The following ACAN variants were observed in gnomAD, a reference collection of about 807,000 sequenced individuals.
The protein encoded by ACAN is aggrecan.
A neutral mutation model predicts 169.1 loss-of-function variants in ACAN; 47 were observed. The observed-to-expected ratio is 0.28, with a 90% CI of 0.22 to 0.35. The LOEUF is 0.35. ACAN is among the 10% of genes least tolerant of loss of function. ACAN has a pLI of 1.00. For synonymous variants in ACAN, 1,115 were observed against 1,112.2 expected, an observed-to-expected ratio of 1.00 and a Z score of -0.05; for missense variants, 2,716 against 2,759.9, an observed-to-expected ratio of 0.98 and a Z score of 0.36.
chr15:88,822,644 G>A (rs982438287), intron 1 of ACAN, among the ~76,000 whole-genome samples: 10 of 152,014 alleles, frequency 6.6e-5, no homozygotes, highest in South Asian at 2.1e-4. Flanking sequence ...TCCATGTTGA[G>A]GCTAGTCTCG....
In ACAN at chr15:88,858,076, T is replaced by C. The variant is rs1257157422; in HGVS notation, c.5491T>C (p.Phe1831Leu). The C allele has an allele frequency of 5.0e-6, 8 of 1,613,776 alleles. No homozygotes were observed. Among genetic ancestry groups the C allele is most frequent in the Non-Finnish European group, 6.8e-6 (8 of 1,179,878 alleles). ...SGSGESSGIT[F>L]VDTSLVEVAP... is the part of the protein sequence containing the mutation. ...CAGCGGTGAATCTTCTGGGATTACA[T>C]TTGTGGACACCAGTTTGGTTGAAGT... The change falls in exon 12 of 19, where the codon TTT (phenylalanine) becomes CTT (leucine). Residue 1831 changes from phenylalanine to leucine, a missense_variant. Transcript: ENST00000560601. The surrounding 1 kb of genome is among the most constrained non-coding windows in gnomAD (Gnocchi z 4.0).
At position 88,874,089 on chromosome 15, in the gene ACAN, C is replaced by G. The variant is rs2280466; in HGVS notation, c.7630+65C>G. ...GATTCTGCCAGCACAGCCTTCCCCC[C>G]GTCCCCTCTCCTGGGGACCCTACAC... On this transcript the variant is annotated intron_variant, in intron 18 of 18. Coordinates refer to ENST00000560601, the MANE Select transcript of ACAN (RefSeq NM_001369268.1). The surrounding 1 kb of genome is among the most constrained non-coding windows in gnomAD (Gnocchi z 7.3). The G allele has an allele frequency of 4.8e-5, 76 of 1,580,670 alleles. No individual in the cohort carries two copies. In the Middle Eastern group the frequency reaches 1.1e-3, roughly 23 times the overall value.
chr15:88,836,691 C>T (rs1896512026), intron 2 of ACAN, among the ~76,000 whole-genome samples: 1 of 152,204 alleles, frequency 6.6e-6, no homozygotes, highest in East Asian at 1.9e-4. Context: ...ACTTGGGAGA[C>T]AGCCAGAGAA....
In ACAN at chr15:88,825,092, A is replaced by G. The variant is rs1896179634; in HGVS notation, c.-7-11108A>G. 2.0e-5 allele frequency among the ~76,000 whole-genome samples: 3 copies of G among 152,204 alleles called. No homozygotes were observed. The South Asian group carries it at 6.2e-4, about 32-fold the overall frequency. ...CAAAATCAGCTCGTGTGGTCAAGGC[A>G]CAGCTAGAATGTGGCGGGGTTGAGG... On this transcript the variant is annotated intron_variant, in intron 1 of 18. Coordinates refer to ENST00000560601, the MANE Select transcript of ACAN (RefSeq NM_001369268.1).
chr15:88,828,657 G>A lies in ACAN; in HGVS notation c.-7-7543G>A, dbSNP rs191683996. ...AAGCAATGAGCAGGTCCCTGGCCAT[G>A]AGGGAGGCTGAGAGGGTGGAGATGC... On this transcript the variant is annotated intron_variant, in intron 1 of 18. Coordinates refer to ENST00000560601, the MANE Select transcript of ACAN (RefSeq NM_001369268.1). Among the ~76,000 whole-genome samples, 843 of 152,258 alleles carry A rather than the reference G, an allele frequency of 5.5e-3. 7 individuals carry two copies. The highest frequency in any genetic ancestry group is 0.01 in the Admixed American group (160 of 15,296).
Position 88,838,866 on chromosome 15 carries a change from G to A in ACAN, c.274G>A (p.Gly92Arg). ...KEVVLLVATE[G>R]RVRVNSAYQD... is the part of the protein sequence containing the mutation. Reference sequence around the variant, plus strand: ...GGTAGTGCTGCTGGTGGCCACTGAAGGGCGCGTGCGGGTCAACAGTGCCTA... The same window carrying A: ...GGTAGTGCTGCTGGTGGCCACTGAAAGGCGCGTGCGGGTCAACAGTGCCTA... Residue 92 changes from glycine (G) to arginine (R), a missense_variant, in exon 3 of 19, where the codon GGG (glycine) becomes AGG (arginine). Gly to Arg is a moderately radical substitution (Grantham distance 125, BLOSUM62 -2). Around this residue, in one of 3 missense-constraint regions of ACAN, gnomAD observed 1,283 missense variants for 1,281.5 expected, o/e 1.00. Transcript: ENST00000560601. This position sits in a 1 kb window ranked among gnomAD's most constrained non-coding sequence, Gnocchi z 5.1. The A allele has an allele frequency of 1.2e-6, 2 of 1,614,042 alleles. No homozygotes were observed. The highest frequency in any genetic ancestry group is 8.5e-7 in the Non-Finnish European group (1 of 1,179,910).
chr15:88,831,941 T>C (rs1162222715), intron 1 of ACAN, among the ~76,000 whole-genome samples: 1 of 152,100 alleles, frequency 6.6e-6, no homozygotes, highest in Non-Finnish European at 1.5e-5. Flanking sequence ...ATGAGTCCCA[T>C]GAAAGAGGAG....
intron 1 of ACAN, among the ~76,000 whole-genome samples, chr15:88,833,889 A>G (rs1467947773): frequency 6.6e-5 from 10 of 151,722 alleles, no homozygotes; most frequent in Non-Finnish European, 1.3e-4. Context: ...GAAAACATAC[A>G]CACAACCTCC....
chr15:88,851,616 G>A lies in ACAN; in HGVS notation c.2027-178G>A. 1.5e-6 allele frequency: 1 copy of A among 663,336 alleles called. No homozygotes were observed. Among genetic ancestry groups the A allele is most frequent in the South Asian group, 2.3e-5 (1 of 44,250 alleles). 41.1% of individuals were successfully genotyped at this position (663,336 alleles called of 1,614,324 possible). A position where few individuals can be genotyped will look rare whatever the true frequency, so the allele number is the denominator to read the frequency against. Reference sequence around the variant, plus strand: ...AACTAAAGTGCTGATGGTGCATATGGATATTATATCATTGGTGCCGATGGC... The same window carrying A: ...AACTAAAGTGCTGATGGTGCATATGAATATTATATCATTGGTGCCGATGGC... On this transcript the variant is annotated intron_variant, in intron 10 of 18. Transcript: ENST00000560601. This position sits in a 1 kb window ranked among gnomAD's most constrained non-coding sequence, Gnocchi z 4.3.
Position 88,858,442 on chromosome 15 carries a change from G to A in ACAN, c.5857G>A (p.Glu1953Lys). The A allele has an allele frequency of 2.5e-6, 4 of 1,613,716 alleles. No homozygotes were observed. Among genetic ancestry groups the A allele is most frequent in the Non-Finnish European group, 3.4e-6 (4 of 1,179,900 alleles). ...ESVTQAPTAQ[E>K]AGEGPSGILE... ...TGTAACCCAGGCTCCAACAGCCCAA[G>A]AGGCAGGAGAAGGGCCTTCTGGCAT... The change falls in exon 12 of 19, where the codon GAG becomes AAG. Residue 1953 changes from glutamate to lysine, a missense_variant. By Grantham distance (56) the Glu-to-Lys change is moderately conservative (BLOSUM62 1). This residue lies in a region of ACAN where 1,389 missense variants were observed against 1,363.7 expected (regional missense o/e 1.02). Transcript: ENST00000560601. This position sits in a 1 kb window ranked among gnomAD's most constrained non-coding sequence, Gnocchi z 4.0.
chr15:88,850,215 A>G (rs1896900865), intron 10 of ACAN: 1 of 231,318 alleles, frequency 4.3e-6, no homozygotes, highest in Non-Finnish European at 8.4e-6. Context: ...TGTAATTTGT[A>G]CACTCTTGTC....
intron 9 of ACAN, among the ~76,000 whole-genome samples, chr15:88,848,420 C>G (rs1420051257): frequency 6.6e-6 from 1 of 152,062 alleles, no homozygotes; most frequent in Non-Finnish European, 1.5e-5. Flanking sequence ...AAAACAAAAA[C>G]AAAAAACCTT....
In ACAN at chr15:88,872,921, T is replaced by C. The variant is rs1331939754; in HGVS notation, c.7343T>C (p.Phe2448Ser). 4 of 1,613,774 alleles carry C rather than the reference T, an allele frequency of 2.5e-6. No homozygotes were observed. Among genetic ancestry groups the C allele is most frequent in the African/African-American group, 1.3e-5 (1 of 74,926 alleles). The change falls in exon 17 of 19, where the codon TTT (phenylalanine) becomes TCT (serine). Residue 2448 changes from phenylalanine (F) to serine (S), a missense_variant. By Grantham distance (155) the Phe-to-Ser change is radical (BLOSUM62 -2). Transcript: ENST00000560601. The surrounding 1 kb of genome is among the most constrained non-coding windows in gnomAD (Gnocchi z 5.4). ...NWRPNQPDNF[F>S]AAGEDCVVMI... ...CGCCCCAACCAGCCTGACAACTTTT[T>C]TGCCGCTGGAGAGGACTGTGTGGTG...
At position 88,820,127 on chromosome 15, in the gene ACAN, A is replaced by G. The variant is rs1896037765; in HGVS notation, c.-7-16073A>G. Among the ~76,000 whole-genome samples, 3 of 152,346 alleles carry G rather than the reference A, an allele frequency of 2.0e-5. No homozygotes were observed. In the South Asian group the frequency reaches 6.2e-4, roughly 32 times the overall value. ...AAATGCTGCTGGGCACCATGCTGGC[A>G]TGGACTCAAGCCTGGATATATGCAA... is the stretch of plus-strand genomic sequence containing the variant. On this transcript the variant is annotated intron_variant, in intron 1 of 18. Coordinates refer to ENST00000560601, the MANE Select transcript of ACAN (RefSeq NM_001369268.1).
At chr15:88,806,432 A>G (rs1158042047) in intron 1 of ACAN, among the ~76,000 whole-genome samples, 3 of 151,378 alleles carry the variant, frequency 2.0e-5, no homozygotes, top group African/African-American at 7.3e-5. Flanking sequence ...GCTCACTGCA[A>G]CCTCCGCCTC....
intron 13 of ACAN, among the ~76,000 whole-genome samples, chr15:88,862,542 C>T (rs1485389989): frequency 2.0e-5 from 3 of 152,170 alleles, no homozygotes; most frequent in Non-Finnish European, 4.4e-5. Context: ...AGCACAAAAC[C>T]TGGGTCTCTT....
intron 1 of ACAN, among the ~76,000 whole-genome samples, chr15:88,811,774 G>T (rs1396401058): frequency 6.6e-6 from 1 of 152,140 alleles, no homozygotes; most frequent in East Asian, 1.9e-4. Flanking sequence ...CACCAATGGG[G>T]GTGAACAGCA....
intron 1 of ACAN, among the ~76,000 whole-genome samples, chr15:88,824,846 A>G (rs746941974): frequency 1.1e-4 from 17 of 151,826 alleles, no homozygotes; most frequent in Non-Finnish European, 2.1e-4. Flanking sequence ...ACAGGCCTTC[A>G]GCACCACTGC....
Position 88,872,875 on chromosome 15 carries a change from C to T in ACAN, c.7303-6C>T, listed in dbSNP as rs562275561. 1.5e-5 allele frequency: 25 copies of T among 1,613,284 alleles called. No individual in the cohort carries two copies. The African/African-American group carries it at 2.8e-4, about 18-fold the overall frequency. On this transcript the variant is annotated splice_polypyrimidine_tract_variant and splice_region_variant and intron_variant, in intron 16 of 18. Coordinates refer to ENST00000560601, the MANE Select transcript of ACAN (RefSeq NM_001369268.1). The surrounding 1 kb of genome is among the most constrained non-coding windows in gnomAD (Gnocchi z 5.4). The stretch of plus-strand genomic sequence containing the variant: ...CTCCTTACTCCTTCCCCACTCCCAC[C>T]CACAGCAATTTGAGAACTGGCGCCC...
Sources: allele counts gnomAD v4.1 joint callset (sites outside exome capture counted in the v4.1 genomes callset), GRCh38; gene constraint gnomAD v4.1.1; regional missense constraint gnomAD v4.1.1; non-coding constraint Gnocchi (gnomAD v3.1); transcripts MANE v1.5; gene names NCBI Gene and HGNC (gene_info 2026-07-23, HGNC 2026-07-21).